Variants in SMYD4 observed in about 807,000 individuals in gnomAD.
SMYD4 encodes the protein protein-lysine N-methyltransferase SMYD4.
A neutral mutation model predicts 72.8 loss-of-function variants in SMYD4; 68 were observed. That is an observed-to-expected ratio of 0.93 (90% CI 0.77 to 1.14). SMYD4 has a LOEUF of 1.14. Ranked by LOEUF, SMYD4 falls within the 50% of genes most tolerant of loss-of-function variation. The probability of loss-of-function intolerance (pLI) is 0.00; values close to 1 mark genes in which losing one functional copy is unlikely to be tolerated. For synonymous variants in SMYD4, 407 were observed against 388.6 expected (o/e 1.05, Z -0.56); for missense variants, 984 against 1,003.7 (o/e 0.98, Z 0.27).
rs555368610 is a variant in SMYD4 at position 1,803,120 on chromosome 17, C to A, written c.369+1506G>T. On this transcript the variant is annotated intron_variant, in intron 4 of 10. Coordinates refer to ENST00000305513, the MANE Select transcript of SMYD4 (RefSeq NM_052928.3). ...TCACGCCACTGCACTGACGCCTGGG[C>A]GACAGAGCGAGACACTGTCTCAAAA... 4.6e-5 allele frequency among the ~76,000 whole-genome samples: 7 copies of A among 152,242 alleles called. No individual in the cohort carries two copies. The South Asian group carries it at 1.5e-3, about 32-fold the overall frequency.
chr17:1,783,730 C>T (rs941190060), intron 8 of SMYD4: 9 of 555,600 alleles, frequency 1.6e-5, no homozygotes, highest in Non-Finnish European at 2.2e-5. Flanking sequence ...CTTCCCAACT[C>T]GACCAACTCT....
Position 1,812,131 on chromosome 17 carries a change from A to G in SMYD4, c.135-16T>C, listed in dbSNP as rs1176271371. 6.2e-7 allele frequency: 1 copy of G among 1,608,960 alleles called. No homozygotes were observed. Among genetic ancestry groups the G allele is most frequent in the African/African-American group, 1.3e-5 (1 of 74,586 alleles). On this transcript the variant is annotated splice_polypyrimidine_tract_variant and intron_variant, in intron 2 of 10. Coordinates refer to ENST00000305513, the MANE Select transcript of SMYD4 (RefSeq NM_052928.3). ...ATCCTCAGGTCTGCATGAAGAAAGG[A>G]GGAAACAAAGTAAGCAGAAATGTGT... is the stretch of plus-strand genomic sequence containing the variant.
At chr17:1,794,603 TTTAAG>T (rs71863735) in intron 5 of SMYD4, among the ~76,000 whole-genome samples, 224 of 152,248 alleles carry the variant, frequency 1.5e-3, no homozygotes, top group African/African-American at 5.1e-3. Flanking sequence ...TTCTGAAATA[TTTAAG>T]TTGTTAATGA....
At chr17:1,806,400 T>A (rs1005556897) in intron 3 of SMYD4, among the ~76,000 whole-genome samples, 1 of 152,092 alleles carries the variant, frequency 6.6e-6, no homozygotes, top group Non-Finnish European at 1.5e-5. Context: ...GGAAAAAATA[T>A]CTGCAATTTA....
At chr17:1,783,637 G>A in intron 8 of SMYD4, 161 bp from the exon 9 acceptor site, 1 of 1,289,726 alleles carries the variant, frequency 7.8e-7, no homozygotes, top group Non-Finnish European at 1.0e-6. Flanking sequence ...CAATAAAGCT[G>A]CTGTTTTCTT....
In SMYD4 at chr17:1,800,564, G is replaced by T. The variant is rs148966664; in HGVS notation, c.830C>A (p.Pro277Gln). The change falls in exon 5 of 11, where the codon CCG (proline) becomes CAG (glutamine). Residue 277 changes from proline to glutamine, a missense_variant. Pro to Gln is a moderately conservative substitution (Grantham distance 76). Coordinates refer to ENST00000305513, the MANE Select transcript of SMYD4 (RefSeq NM_052928.3). ...CCATTTGCTGTCTAGGCCGTGATGC[G>T]GTGGTGGCAGTTCTCCTGGGTTGAG... ...SVLNPGELPP[P>Q]HHGLDSKWDT... 1 of 1,614,160 alleles carries T rather than the reference G, an allele frequency of 6.2e-7. No homozygotes were observed. The highest frequency in any genetic ancestry group is 8.5e-7 in the Non-Finnish European group (1 of 1,180,030).
chr17:1,827,469 A>G (rs888619794), intron 2 of SMYD4, among the ~76,000 whole-genome samples: 1 of 152,190 alleles, frequency 6.6e-6, no homozygotes, highest in African/African-American at 2.4e-5. Context: ...AAGGAAAATC[A>G]CACAGCATTG....
At chr17:1,788,792 T>C (rs367628429) in intron 5 of SMYD4, among the ~76,000 whole-genome samples, 17 of 152,236 alleles carry the variant, frequency 1.1e-4, no homozygotes, top group African/African-American at 4.1e-4. Flanking sequence ...TGGTGGATAA[T>C]TAGCACTTTA....
intron 5 of SMYD4, among the ~76,000 whole-genome samples, chr17:1,794,077 A>ATGTGTGTG (rs1226059890): frequency 2.3e-5 from 1 of 43,630 alleles, no homozygotes; most frequent in African/African-American, 9.3e-5. Context: ...GTGTATATAT[A>ATGTGTGTG]TGTGTATATA....
At chr17:1,812,182 T>G in intron 2 of SMYD4, 67 bp from the exon 3 acceptor site, 1 of 1,562,898 alleles carries the variant, frequency 6.4e-7, no homozygotes, top group East Asian at 2.2e-5. Context: ...TCTAAACCAT[T>G]GCCCTCAAAA....
chr17:1,804,478 T>C (rs1909934006), intron 4 of SMYD4, 148 bp downstream of exon 4: 1 of 683,072 alleles, frequency 1.5e-6, no homozygotes, highest in African/African-American at 1.8e-5. Context: ...AGTCCGACTT[T>C]AGGTAGATAT....
intron 3 of SMYD4, among the ~76,000 whole-genome samples, chr17:1,807,920 A>C (rs1465660641): frequency 6.6e-6 from 1 of 152,166 alleles, no homozygotes; most frequent in African/African-American, 2.4e-5. Flanking sequence ...TTGCACTTTT[A>C]AAATCTACAT....
At chr17:1,781,522 A>T in intron 10 of SMYD4, 83 bp from the exon 11 acceptor site, 1 of 1,459,872 alleles carries the variant, frequency 6.8e-7, no homozygotes, top group Middle Eastern at 1.8e-4. Flanking sequence ...CACCGTGAAG[A>T]ATGTAAGATC....
intron 5 of SMYD4, among the ~76,000 whole-genome samples, chr17:1,796,677 C>T (rs536424441): frequency 7.9e-5 from 12 of 152,112 alleles, no homozygotes; most frequent in African/African-American, 1.2e-4. Flanking sequence ...CCTCGAGATC[C>T]GCCCGCCTCG....
chr17:1,829,038 T>C (rs547186931), intron 1 of SMYD4, among the ~76,000 whole-genome samples: 13 of 152,296 alleles, frequency 8.5e-5, no homozygotes, highest in Admixed American at 4.6e-4. Context: ...TCTGGCATTC[T>C]TCCTAGAGTG....
Position 1,800,865 on chromosome 17 carries a change from G to C in SMYD4, c.529C>G (p.Pro177Ala). The change falls in exon 5 of 11, where the codon CCA (proline) becomes GCA (alanine). Residue 177 changes from proline to alanine, a missense_variant. Transcript: ENST00000305513. ...SDLERNFTAT[P>A]ALADVLPQTL... ...TGAGGGAGGACATCTGCTAGGGCTGGTGTGGCTGTGAAGTTCCTTTCAAGA... is the reference window on the plus strand; with the variant it reads ...TGAGGGAGGACATCTGCTAGGGCTGCTGTGGCTGTGAAGTTCCTTTCAAGA... 6.2e-7 allele frequency: 1 copy of C among 1,614,174 alleles called. No homozygotes were observed. The highest frequency in any genetic ancestry group is 8.5e-7 in the Non-Finnish European group (1 of 1,180,028).
At chr17:1,816,666 G>A (rs373673731) in intron 2 of SMYD4, among the ~76,000 whole-genome samples, 3 of 151,184 alleles carry the variant, frequency 2.0e-5, no homozygotes, top group South Asian at 2.1e-4. Flanking sequence ...TCCCTTTGTC[G>A]CCCAGGCTGG....
intron 2 of SMYD4, among the ~76,000 whole-genome samples, chr17:1,824,299 C>T (rs761601931): frequency 3.3e-5 from 5 of 152,118 alleles, no homozygotes; most frequent in African/African-American, 4.8e-5. Context: ...GCTGAGATTG[C>T]GCCACTGCAC....
intron 10 of SMYD4, 196 bp from the exon 11 acceptor site, chr17:1,781,635 T>C: frequency 2.1e-6 from 1 of 487,152 alleles, no homozygotes; most frequent in Non-Finnish European, 3.4e-6. Flanking sequence ...AAAGATAGTA[T>C]AGACGCCAGG....
Sources: gnomAD v4.1 joint callset for allele counts (sites outside exome capture counted in the v4.1 genomes callset) on GRCh38, gnomAD v4.1.1 for gene constraint, MANE v1.5 for transcripts, NCBI Gene and HGNC (gene_info 2026-07-23, HGNC 2026-07-21) for gene names.